Variants in DAB1 observed in about 807,000 individuals in gnomAD.
DAB1 encodes the protein DAB adaptor protein 1.
In DAB1, 15 loss-of-function variants were observed where a neutral mutation model predicts 64.6. The observed-to-expected ratio is 0.23, with a 90% CI of 0.16 to 0.36. The LOEUF (loss-of-function observed/expected upper bound fraction) is 0.36. DAB1 is among the 10% of genes least tolerant of loss of function. The pLI is 1.00. For missense variants in DAB1, 596 were observed against 706.7 expected (o/e 0.84, Z 1.78); for synonymous variants, 235 against 251.9 (o/e 0.93, Z 0.64).
intron 4 of DAB1, chr1:58,228,794 C>A: frequency 1.3e-6 from 1 of 767,792 alleles, no homozygotes; most frequent in Non-Finnish European, 2.2e-6. Context: ...AATCATAGAG[C>A]ACAAAGAACA....
At chr1:57,153,250 T>C (rs1003208774) in intron 2 of DAB1, among the ~76,000 whole-genome samples, 5 of 152,196 alleles carry the variant, frequency 3.3e-5, no homozygotes, top group Admixed American at 2.0e-4. Context: ...GGTCTCGAAC[T>C]CTTGGCTTCA....
chr1:58,218,180 A>C (rs1658956350), intron 4 of DAB1, among the ~76,000 whole-genome samples: 1 of 152,040 alleles, frequency 6.6e-6, no homozygotes, highest in Non-Finnish European at 1.5e-5. Context: ...GTAAGAAAGA[A>C]ACAGAGATTT....
At chr1:58,471,597 C>A (rs938697424) in intron 3 of DAB1, among the ~76,000 whole-genome samples, 1 of 152,160 alleles carries the variant, frequency 6.6e-6, no homozygotes, top group Non-Finnish European at 1.5e-5. Flanking sequence ...TGTATGTAAT[C>A]CCCAATCCCC....
chr1:58,221,430 T>G lies in DAB1; in HGVS notation n.310-70842A>C, dbSNP rs114433379. On this transcript the variant is annotated intron_variant and non_coding_transcript_variant, in intron 4 of 20. Transcript: ENST00000485760. ...GTAAAATGATAACAGCTCCTGAGCA[T>G]GCCCGTCTGAAAGAACAGTCACTGG... is the stretch of plus-strand genomic sequence containing the variant. 6.4e-3 allele frequency among the ~76,000 whole-genome samples: 977 copies of G among 152,346 alleles called. 12 individuals are homozygous for G. The highest frequency in any genetic ancestry group is 0.023 in the African/African-American group (948 of 41,582).
intron 5 of DAB1, among the ~76,000 whole-genome samples, chr1:57,960,867 G>A (rs1161061669): frequency 6.6e-6 from 1 of 152,254 alleles, no homozygotes; most frequent in Non-Finnish European, 1.5e-5. Context: ...TTAGGAGCTT[G>A]CAGAGGAGCC....
intron 4 of DAB1, among the ~76,000 whole-genome samples, chr1:58,237,931 A>C (rs1660121747): frequency 6.6e-6 from 1 of 152,232 alleles, no homozygotes; most frequent in Non-Finnish European, 1.5e-5. Context: ...GTTCTTTGGT[A>C]AGCACTTCAC....
At chr1:58,101,365 T>C (rs1199448790) in intron 5 of DAB1, among the ~76,000 whole-genome samples, 2 of 152,090 alleles carry the variant, frequency 1.3e-5, no homozygotes, top group South Asian at 2.1e-4. Flanking sequence ...AAGAAAAGCC[T>C]GTCACTGGGG....
At chr1:58,444,789 AG>A (rs752873037) in intron 3 of DAB1, among the ~76,000 whole-genome samples, 11 of 152,182 alleles carry the variant, frequency 7.2e-5, no homozygotes, top group Non-Finnish European at 1.5e-4. Flanking sequence ...ATTAATGGAA[AG>A]GGGCTTTCTT....
At chr1:57,365,347 ATATATTTATATATTATATATAATATATT>A (rs1234708700) in intron 1 of DAB1, among the ~76,000 whole-genome samples, 4 of 143,332 alleles carry the variant, frequency 2.8e-5, no homozygotes, top group African/African-American at 1.0e-4. Context: ...ATATATAAAT[ATATATTTATATATTATATATAATATATT>A]TATATGTATT....
intron 3 of DAB1, among the ~76,000 whole-genome samples, chr1:58,359,633 C>T (rs1644144754): frequency 1.3e-5 from 2 of 151,000 alleles, no homozygotes; most frequent in African/African-American, 4.9e-5. Flanking sequence ...CAGTAATCAA[C>T]ACATGTTGAC....
intron 3 of DAB1, among the ~76,000 whole-genome samples, chr1:58,386,712 C>A (rs982776086): frequency 6.6e-6 from 1 of 152,148 alleles, no homozygotes; most frequent in Non-Finnish European, 1.5e-5. Context: ...GAGATCCATA[C>A]CCTACCTCTT....
At chr1:57,867,957 A>T (rs1266565609) in intron 1 of DAB1, among the ~76,000 whole-genome samples, 2 of 152,164 alleles carry the variant, frequency 1.3e-5, no homozygotes, top group African/African-American at 4.8e-5. Flanking sequence ...TGAAAAGTGG[A>T]CTTGCATTTT....
intron 4 of DAB1, among the ~76,000 whole-genome samples, chr1:58,252,160 C>T (rs988306777): frequency 6.6e-6 from 1 of 152,214 alleles, no homozygotes; most frequent in African/African-American, 2.4e-5. Flanking sequence ...TTCAACATTT[C>T]TCTACTTTCA....
chr1:57,140,396 CTAA>C (rs1658486636), intron 3 of DAB1, among the ~76,000 whole-genome samples: 2 of 152,164 alleles, frequency 1.3e-5, no homozygotes, highest in South Asian at 4.2e-4. Context: ...CCTAAAGGGG[CTAA>C]TAAGTCATAG....
At chr1:58,058,104 C>T (rs978785039) in intron 5 of DAB1, among the ~76,000 whole-genome samples, 27 of 152,012 alleles carry the variant, frequency 1.8e-4, no homozygotes, top group Non-Finnish European at 1.5e-5. Context: ...GAGAACAATC[C>T]TCTCCATCTT....
chr1:58,535,904 T>C (rs1439378616), intron 1 of DAB1, among the ~76,000 whole-genome samples: 4 of 152,176 alleles, frequency 2.6e-5, no homozygotes, highest in Non-Finnish European at 5.9e-5. Flanking sequence ...TTTCAAGGTA[T>C]AAGAATTCTG....
chr1:57,893,856 C>T (rs1191837474), intron 5 of DAB1, among the ~76,000 whole-genome samples: 2 of 152,082 alleles, frequency 1.3e-5, no homozygotes, highest in Admixed American at 6.6e-5. Context: ...GTGATCAATA[C>T]CTTTGTGATA....
In DAB1 at chr1:57,580,536, A is replaced by G. The variant is rs1257545619; in HGVS notation, n.625+69056T>C. 3.9e-5 allele frequency among the ~76,000 whole-genome samples: 6 copies of G among 152,036 alleles called. No individual in the cohort carries two copies. In the East Asian group the frequency reaches 7.8e-4, roughly 20 times the overall value. On this transcript the variant is annotated intron_variant and non_coding_transcript_variant, in intron 7 of 20. Transcript: ENST00000485760. ...AGCATTTGAAATCAGGATCTTCTCC[A>G]TCCTTGGGTTTGCCAGCAGGTCTTT...
At chr1:57,825,965 A>G (rs1224420853), downstream of DAB1, 1 of 152,202 alleles carries the variant, frequency 6.6e-6, no homozygotes, top group African/African-American at 2.4e-5. Context: ...TGAATTATAC[A>G]AGGTAGCAAG....
Sources: allele counts gnomAD v4.1 joint callset (sites outside exome capture counted in the v4.1 genomes callset), GRCh38; gene constraint gnomAD v4.1.1; transcripts MANE v1.5; gene names NCBI Gene and HGNC (gene_info 2026-07-23, HGNC 2026-07-21).